Variants in MAPRE3 observed in about 807,000 individuals in gnomAD.
The protein encoded by MAPRE3 is microtubule associated protein RP/EB family member 3.
Under a neutral mutation model 30.5 loss-of-function variants are expected in MAPRE3, and 2 were observed. That is an observed-to-expected ratio of 0.07 (90% CI 0.03 to 0.21). The LOEUF (loss-of-function observed/expected upper bound fraction) is 0.21. Ranked by LOEUF, MAPRE3 falls within the 10% of genes least tolerant of loss-of-function variation. MAPRE3 has a pLI of 1.00. For synonymous variants in MAPRE3, 110 were observed against 127.7 expected, an observed-to-expected ratio of 0.86 and a Z score of 0.93; for missense variants, 204 against 351.8, an observed-to-expected ratio of 0.58 and a Z score of 3.36.
chr2:26,991,176 C>T (rs1248647448), intron 1 of MAPRE3, among the ~76,000 whole-genome samples: 1 of 152,170 alleles, frequency 6.6e-6, no homozygotes, highest in Non-Finnish European at 1.5e-5. Context: ...ATGGTGTGAA[C>T]CGGGAAGGCA....
chr2:26,990,333 A>C (rs1266056502), intron 1 of MAPRE3, among the ~76,000 whole-genome samples: 2 of 152,126 alleles, frequency 1.3e-5, no homozygotes, highest in African/African-American at 4.8e-5. Flanking sequence ...CTTTCCACTC[A>C]GTCCTTCCTA....
intron 1 of MAPRE3, among the ~76,000 whole-genome samples, chr2:27,006,187 T>C (rs1054544701): frequency 4.7e-5 from 7 of 149,700 alleles, no homozygotes; most frequent in Admixed American, 2.6e-4. Context: ...GTCTCAAAAA[T>C]AAAAACAAAA....
At chr2:26,978,341 G>A (rs1428716801) in intron 1 of MAPRE3, among the ~76,000 whole-genome samples, 1 of 152,222 alleles carries the variant, frequency 6.6e-6, no homozygotes, top group African/African-American at 2.4e-5. Flanking sequence ...TCCCATGTGA[G>A]GAGTGTTTCA....
chr2:27,005,904 C>T (rs116672443), intron 1 of MAPRE3, among the ~76,000 whole-genome samples: 6,619 of 152,254 alleles, frequency 0.043, 220 homozygotes, highest in Non-Finnish European at 0.061. Context: ...GTGTGTCGGC[C>T]GGGCGCGGTG....
At chr2:26,983,737 C>T (rs1045406739) in intron 1 of MAPRE3, among the ~76,000 whole-genome samples, 3 of 152,188 alleles carry the variant, frequency 2.0e-5, no homozygotes, top group Non-Finnish European at 2.9e-5. Flanking sequence ...TGTTTTAAAG[C>T]TCCCAGAGCT....
intron 1 of MAPRE3, among the ~76,000 whole-genome samples, chr2:27,001,017 T>C (rs1260748526): frequency 6.6e-6 from 1 of 152,192 alleles, no homozygotes; most frequent in East Asian, 1.9e-4. Context: ...AATATGAAAA[T>C]AAAATCCCAT....
chr2:27,010,346 A>G (rs1300113326), intron 1 of MAPRE3, among the ~76,000 whole-genome samples: 1 of 152,184 alleles, frequency 6.6e-6, no homozygotes, highest in Admixed American at 6.5e-5. Context: ...TTGGACAGAT[A>G]AAATCTAGAA....
chr2:27,026,438 G>C lies in MAPRE3; in HGVS notation c.*90G>C. 2 of 1,168,488 alleles carry C rather than the reference G, an allele frequency of 1.7e-6. No individual in the cohort carries two copies. The allele number at this position is 1,168,488 out of a possible 1,614,324, so 72.4% of individuals were successfully genotyped here. A position where few individuals can be genotyped will look rare whatever the true frequency, so the allele number is the denominator to read the frequency against. On this transcript the variant is annotated 3_prime_UTR_variant, in exon 7 of 7. Coordinates refer to ENST00000233121, the MANE Select transcript of MAPRE3 (RefSeq NM_012326.4). ...ATTATAGTCCTTTCCTAACACGGTC[G>C]GCCGGGTGCTTTGTGTCAGTGCTGC...
rs1226859673 is a variant in MAPRE3, at chr2:27,015,293, C to T, written c.-7-6919C>T. On this transcript the variant is annotated intron_variant, in intron 1 of 6. Coordinates refer to ENST00000233121, the MANE Select transcript of MAPRE3 (RefSeq NM_012326.4). This position sits in a 1 kb window ranked among gnomAD's most constrained non-coding sequence, Gnocchi z 4.0. ...TGCTCAGCACTGTGTACACATGGCTCACTTAATCCTCATAACTGTTCTGTG... is the reference window on the plus strand; with the variant it reads ...TGCTCAGCACTGTGTACACATGGCTTACTTAATCCTCATAACTGTTCTGTG... Among the ~76,000 whole-genome samples the T allele has an allele frequency of 6.6e-6, 1 of 152,360 alleles. No individual in the cohort carries two copies. Among genetic ancestry groups the T allele is most frequent in the Non-Finnish European group, 1.5e-5 (1 of 68,034 alleles).
intron 1 of MAPRE3, among the ~76,000 whole-genome samples, chr2:26,996,617 C>T (rs914591210): frequency 3.3e-5 from 5 of 151,698 alleles, no homozygotes; most frequent in South Asian, 4.2e-4. Context: ...AGTGAAACCC[C>T]GTCTCTACTA....
chr2:26,978,932 T>C (rs1364846016), intron 1 of MAPRE3, among the ~76,000 whole-genome samples: 1 of 152,220 alleles, frequency 6.6e-6, no homozygotes, highest in Non-Finnish European at 1.5e-5. Context: ...TGGTGCCTTA[T>C]TCTATAAGAC....
At chr2:26,977,534 A>G (rs1438557944) in intron 1 of MAPRE3, among the ~76,000 whole-genome samples, 1 of 152,100 alleles carries the variant, frequency 6.6e-6, no homozygotes, top group African/African-American at 2.4e-5. Context: ...GTCTGTTTCA[A>G]AAGACTCTGC....
intron 4 of MAPRE3, among the ~76,000 whole-genome samples, chr2:27,024,898 G>A (rs1461071314): frequency 3.3e-5 from 5 of 152,162 alleles, no homozygotes; most frequent in African/African-American, 7.2e-5. Flanking sequence ...GTCGGACCCC[G>A]TCATAGCAGA....
rs373355705 is a variant in MAPRE3, at chr2:27,024,452, C to T, written c.469+155C>T. On this transcript the variant is annotated intron_variant, in intron 4 of 6. Transcript: ENST00000233121. ...GACGCCGCCTGCTGGCCAGTTAGACCGGGGGAGTGAAAGTAGTGGGTGAGA... is the reference window on the plus strand; with the variant it reads ...GACGCCGCCTGCTGGCCAGTTAGACTGGGGGAGTGAAAGTAGTGGGTGAGA... 3.0e-4 allele frequency among the ~76,000 whole-genome samples: 46 copies of T among 152,308 alleles called. 1 individual carries two copies. The highest frequency in any genetic ancestry group is 1.9e-3 in the East Asian group (10 of 5,178).
chr2:27,023,903 T>A (rs544127830), intron 3 of MAPRE3, 193 bp from the exon 4 acceptor site: 1 of 576,326 alleles, frequency 1.7e-6, no homozygotes, highest in African/African-American at 1.9e-5. Context: ...AGAGAAGGGA[T>A]GCCTCTGGAT....
At chr2:27,017,552 G>A (rs1204391441) in intron 1 of MAPRE3, among the ~76,000 whole-genome samples, 1 of 152,176 alleles carries the variant, frequency 6.6e-6, no homozygotes, top group Non-Finnish European at 1.5e-5. Flanking sequence ...GTGGCTCTTA[G>A]TGACTCTTGG....
intron 1 of MAPRE3, among the ~76,000 whole-genome samples, chr2:26,978,386 T>TG (rs1195343380): frequency 2.0e-5 from 3 of 152,196 alleles, no homozygotes; most frequent in Non-Finnish European, 2.9e-5. Flanking sequence ...ATGTGTGCTG[T>TG]GTAGCCAGGC....
At chr2:27,025,499 C>T (rs1667216866) in intron 4 of MAPRE3, 84 bp from the exon 5 acceptor site, 2 of 1,392,360 alleles carry the variant, frequency 1.4e-6, no homozygotes, top group East Asian at 2.3e-5. Flanking sequence ...ATGGGCCTGC[C>T]CCCGCAGTCC....
At chr2:27,004,604 C>T (rs1013398459) in intron 1 of MAPRE3, among the ~76,000 whole-genome samples, 8 of 152,006 alleles carry the variant, frequency 5.3e-5, no homozygotes, top group African/African-American at 1.9e-4. Context: ...CGCCACCATG[C>T]CCAGCTAATT....
Sources: allele counts gnomAD v4.1 joint callset (sites outside exome capture counted in the v4.1 genomes callset), GRCh38; gene constraint gnomAD v4.1.1; non-coding constraint Gnocchi (gnomAD v3.1); transcripts MANE v1.5; gene names NCBI Gene and HGNC (gene_info 2026-07-23, HGNC 2026-07-21).